GRIP1: variants seen among roughly 807,000 people sequenced by gnomAD.
GRIP1 encodes glutamate receptor interacting protein 1, also known as glutamate receptor-interacting protein 1.
GRIP1 carries 45 observed loss-of-function variants against 129.9 expected under a neutral mutation model. The ratio of observed to expected loss-of-function variants is 0.35; its 90% CI spans 0.27 to 0.44. The LOEUF (loss-of-function observed/expected upper bound fraction) is 0.44. GRIP1 is among the 20% of genes least tolerant of loss of function. The probability of loss-of-function intolerance (pLI) is 1.00; values close to 1 mark genes in which losing one functional copy is unlikely to be tolerated. For synonymous variants in GRIP1, 530 were observed against 520.8 expected (o/e 1.02, Z -0.24); for missense variants, 1,196 against 1,396.8 (o/e 0.86, Z 2.29).
At chr12:66,859,621 T>C (rs1431420597) in intron 1 of GRIP1, among the ~76,000 whole-genome samples, 1 of 152,070 alleles carries the variant, frequency 6.6e-6, no homozygotes, top group Non-Finnish European at 1.5e-5. Flanking sequence ...TTCCATTCTC[T>C]ATGGGAGACT....
chr12:66,554,587 C>T (rs1205865537), intron 2 of GRIP1, among the ~76,000 whole-genome samples: 2 of 152,118 alleles, frequency 1.3e-5, no homozygotes, highest in Non-Finnish European at 2.9e-5. Flanking sequence ...ACGAAGTGGG[C>T]CATTGGGGTT....
At chr12:66,365,301 G>T (rs543432329) in intron 23 of GRIP1, among the ~76,000 whole-genome samples, 2 of 152,074 alleles carry the variant, frequency 1.3e-5, no homozygotes, top group African/African-American at 4.8e-5. Flanking sequence ...CCCGGGCATG[G>T]TGGTGTGTAC....
chr12:66,778,226 T>C (rs760621279), intron 1 of GRIP1, among the ~76,000 whole-genome samples: 35 of 152,176 alleles, frequency 2.3e-4, no homozygotes, highest in Non-Finnish European at 4.1e-4. Context: ...ATTTGTATTA[T>C]ATTTCTATTG....
chr12:66,734,112 T>C (rs1333459674), intron 1 of GRIP1, among the ~76,000 whole-genome samples: 1 of 152,196 alleles, frequency 6.6e-6, no homozygotes, highest in African/African-American at 2.4e-5. Context: ...GCTACGTATG[T>C]TAGGCTCTCA....
intron 1 of GRIP1, among the ~76,000 whole-genome samples, chr12:66,622,326 T>C (rs145370488): frequency 6.6e-6 from 1 of 151,974 alleles, no homozygotes; most frequent in Non-Finnish European, 1.5e-5. Context: ...AAAATATAGA[T>C]AGAATGAATA....
chr12:66,476,656 GCA>G (rs2059624065), intron 7 of GRIP1, among the ~76,000 whole-genome samples: 1 of 152,186 alleles, frequency 6.6e-6, no homozygotes, highest in Non-Finnish European at 1.5e-5. Flanking sequence ...GAAGCCAGCA[GCA>G]CATCAAAAGG....
At chr12:66,968,631 TA>T (rs1210296230) in intron 1 of GRIP1, among the ~76,000 whole-genome samples, 1 of 152,168 alleles carries the variant, frequency 6.6e-6, no homozygotes, top group African/African-American at 2.4e-5. Flanking sequence ...TCAGATAACT[TA>T]AAGTATTTCC....
chr12:66,448,265 G>T (rs910607470), intron 11 of GRIP1, among the ~76,000 whole-genome samples: 14 of 151,776 alleles, frequency 9.2e-5, no homozygotes, highest in Non-Finnish European at 1.3e-4. Context: ...CATTTTTATT[G>T]CCCTCTGGGC....
chr12:66,583,453 C>T (rs1382059511), intron 2 of GRIP1, among the ~76,000 whole-genome samples: 8 of 134,312 alleles, frequency 6.0e-5, no homozygotes, highest in Admixed American at 1.5e-4. Flanking sequence ...AAGAAACTAC[C>T]ATCAGAGTGA....
chr12:66,539,282 A>G (rs1472543208), intron 3 of GRIP1, 59 bp from the exon 4 acceptor site: 9 of 1,608,508 alleles, frequency 5.6e-6, no homozygotes, highest in Middle Eastern at 1.6e-4. Context: ...CAGTCTGACT[A>G]TATTTCCACT....
At chr12:66,962,716 G>A (rs1348550920) in intron 1 of GRIP1, among the ~76,000 whole-genome samples, 4 of 152,076 alleles carry the variant, frequency 2.6e-5, no homozygotes, top group African/African-American at 7.2e-5. Flanking sequence ...AAAGAAAAGA[G>A]TAAGATCCTG....
At chr12:66,628,855 T>G in intron 1 of GRIP1, among the ~76,000 whole-genome samples, 1 of 152,192 alleles carries the variant, frequency 6.6e-6, no homozygotes, top group Non-Finnish European at 1.5e-5. Flanking sequence ...TAAGCACCCC[T>G]TATATAAATA....
chr12:66,722,596 T>C (rs532289959), intron 1 of GRIP1, among the ~76,000 whole-genome samples: 40 of 152,058 alleles, frequency 2.6e-4, no homozygotes, highest in Middle Eastern at 6.3e-3. Context: ...GTTGGAAAAA[T>C]GGTGTTGATA....
At chr12:66,456,397 AC>A in intron 9 of GRIP1, 55 bp from the exon 10 acceptor site, 1 of 1,002,488 alleles carries the variant, frequency 1.0e-6, no homozygotes, top group Non-Finnish European at 1.4e-6. Context: ...CAAACAAAGA[AC>A]CAAAAAAGAG....
intron 1 of GRIP1, among the ~76,000 whole-genome samples, chr12:66,837,247 A>G (rs1292739638): frequency 6.6e-6 from 1 of 152,234 alleles, no homozygotes; most frequent in East Asian, 1.9e-4. Context: ...CACTGTTCTA[A>G]TCTTTGATGC....
intron 1 of GRIP1, among the ~76,000 whole-genome samples, chr12:67,063,150 G>A (rs2043564265): frequency 6.6e-6 from 1 of 152,180 alleles, no homozygotes; most frequent in Admixed American, 6.5e-5. Context: ...AAAGCCCCTA[G>A]AGTTAGTAAG....
At chr12:67,013,714 T>C (rs964476309) in intron 1 of GRIP1, among the ~76,000 whole-genome samples, 5 of 152,194 alleles carry the variant, frequency 3.3e-5, no homozygotes, top group Admixed American at 2.6e-4. Context: ...AATGTGGTTG[T>C]CTGCCCAATA....
At chr12:66,835,625 A>C (rs904419831) in intron 1 of GRIP1, among the ~76,000 whole-genome samples, 3 of 152,364 alleles carry the variant, frequency 2.0e-5, no homozygotes, top group Admixed American at 6.5e-5. Context: ...ACTTAAATGC[A>C]TATTACTAAG....
At chr12:66,521,259 A>G (rs542609160) in intron 5 of GRIP1, among the ~76,000 whole-genome samples, 2 of 152,334 alleles carry the variant, frequency 1.3e-5, no homozygotes, top group South Asian at 4.1e-4. Flanking sequence ...CATGTGCTTA[A>G]TAAACATTTG....
Sources: gnomAD v4.1 joint callset for allele counts (sites outside exome capture counted in the v4.1 genomes callset) on GRCh38, gnomAD v4.1.1 for gene constraint, MANE v1.5 for transcripts, NCBI Gene and HGNC (gene_info 2026-07-23, HGNC 2026-07-21) for gene names.